The following PTPRT variants were observed in gnomAD, a reference collection of about 807,000 sequenced individuals.
The protein encoded by PTPRT is protein tyrosine phosphatase receptor type T.
PTPRT carries 56 observed loss-of-function variants against 176.8 expected under a neutral mutation model. The observed-to-expected ratio is 0.32, with a 90% confidence interval of 0.26 to 0.40. The LOEUF (loss-of-function observed/expected upper bound fraction) is 0.40. Among genes scored for constraint, PTPRT ranks in the 10% least tolerant of loss-of-function variants. The pLI is 1.00. For missense variants in PTPRT, 1,540 were observed against 1,908.2 expected (o/e 0.81, Z 3.60); for synonymous variants, 783 against 739.0 (o/e 1.06, Z -0.96).
At chr20:42,533,776 C>T (rs2072426866) in intron 7 of PTPRT, among the ~76,000 whole-genome samples, 1 of 152,242 alleles carries the variant, frequency 6.6e-6, no homozygotes, top group Admixed American at 6.5e-5. Flanking sequence ...GTCATCGCAG[C>T]TTCACTGCTT....
downstream of PTPRT, among the ~76,000 whole-genome samples, chr20:42,069,386 C>G (rs1410774839): frequency 6.6e-6 from 1 of 151,700 alleles, no homozygotes; most frequent in Non-Finnish European, 1.5e-5. Context: ...TTTTTTTTCC[C>G]TTTTGGACAT....
intron 2 of PTPRT, 107 bp from the exon 3 acceptor site, chr20:42,791,573 G>A (rs1365668349): frequency 7.9e-6 from 10 of 1,264,960 alleles, no homozygotes; most frequent in African/African-American, 1.5e-5. Flanking sequence ...AGTGGCCAGA[G>A]ATCAAGTCAC....
At chr20:42,865,834 C>T (rs1022864111) in intron 2 of PTPRT, among the ~76,000 whole-genome samples, 3 of 152,140 alleles carry the variant, frequency 2.0e-5, no homozygotes, top group East Asian at 1.9e-4. Context: ...GGTGGAATGC[C>T]GGCTTATTCC....
intron 16 of PTPRT, among the ~76,000 whole-genome samples, chr20:42,175,529 G>C (rs1311749602): frequency 6.6e-6 from 1 of 152,140 alleles, no homozygotes; most frequent in Non-Finnish European, 1.5e-5. Flanking sequence ...GGTTGAGTAG[G>C]GGCAGGGGAT....
chr20:42,421,598 C>T (rs376080642), intron 9 of PTPRT, among the ~76,000 whole-genome samples: 49 of 151,900 alleles, frequency 3.2e-4, no homozygotes, highest in African/African-American at 3.9e-4. Context: ...ATGGATAAGA[C>T]GAGTCAATAT....
chr20:42,526,470 T>A (rs1360798565), intron 7 of PTPRT, among the ~76,000 whole-genome samples: 1 of 152,146 alleles, frequency 6.6e-6, no homozygotes, highest in East Asian at 1.9e-4. Flanking sequence ...ACTTCACTCC[T>A]AATGGAAGCA....
rs1407743875 is a variant in PTPRT at position 42,389,539 on chromosome 20, G to A, written c.1561-37254C>T. Among the ~76,000 whole-genome samples the A allele has an allele frequency of 3.3e-5, 5 of 152,042 alleles. No homozygotes were observed. The South Asian group carries it at 1.0e-3, about 32-fold the overall frequency. ...TCATGAGGTGTCTATCCTTTTGAAT[G>A]GATTAATGTTGATTATAAAAGCACT... On this transcript the variant is annotated intron_variant, in intron 9 of 30. Coordinates refer to ENST00000373187, the MANE Select transcript of PTPRT (RefSeq NM_007050.6).
At chr20:42,478,557 A>T (rs183225087) in intron 7 of PTPRT, among the ~76,000 whole-genome samples, 68 of 152,238 alleles carry the variant, frequency 4.5e-4, no homozygotes, top group African/African-American at 1.6e-3. Context: ...TTCTTAAAGC[A>T]AAGCAAGGGA....
intron 7 of PTPRT, among the ~76,000 whole-genome samples, chr20:42,649,244 G>A (rs1222389213): frequency 1.3e-5 from 2 of 152,114 alleles, no homozygotes; most frequent in Non-Finnish European, 2.9e-5. Context: ...GAGAGCTTGT[G>A]CAAAGGAACT....
rs140746834 is a variant in PTPRT at position 42,939,887 on chromosome 20, T to A, written c.89-53955A>T. On this transcript the variant is annotated intron_variant, in intron 1 of 30. Coordinates refer to ENST00000373187, the MANE Select transcript of PTPRT (RefSeq NM_007050.6). ...TTCATCTGTCTATCTAATAAATAGATAAATAGATATAATCTTATCCATTCA... is the reference window on the plus strand; with the variant it reads ...TTCATCTGTCTATCTAATAAATAGAAAAATAGATATAATCTTATCCATTCA... 2.8e-4 allele frequency among the ~76,000 whole-genome samples: 43 copies of A among 152,286 alleles called. No individual in the cohort carries two copies. In the East Asian group the frequency reaches 7.1e-3, roughly 25 times the overall value.
At chr20:42,760,277 C>A (rs1195179247) in intron 5 of PTPRT, among the ~76,000 whole-genome samples, 1 of 151,910 alleles carries the variant, frequency 6.6e-6, no homozygotes, top group East Asian at 1.9e-4. Context: ...CCACTTGGCA[C>A]TTTCCTGTCT....
At chr20:42,258,943 T>A (rs1441635087) in intron 13 of PTPRT, among the ~76,000 whole-genome samples, 1 of 152,188 alleles carries the variant, frequency 6.6e-6, no homozygotes, top group Non-Finnish European at 1.5e-5. Context: ...GACTCCTCAA[T>A]ACTACCCAGT....
At chr20:42,942,352 A>C (rs1379649607) in intron 1 of PTPRT, among the ~76,000 whole-genome samples, 1 of 152,210 alleles carries the variant, frequency 6.6e-6, no homozygotes, top group African/African-American at 2.4e-5. Context: ...ATATACAAAC[A>C]AATGACACAA....
intron 19 of PTPRT, among the ~76,000 whole-genome samples, chr20:42,122,848 A>C (rs1350170949): frequency 6.6e-6 from 1 of 152,090 alleles, no homozygotes; most frequent in Non-Finnish European, 1.5e-5. Context: ...TTTCATCTCC[A>C]GCCTCACCTC....
chr20:42,066,782 G>A, the PTPRT span, among the ~76,000 whole-genome samples: 1 of 152,066 alleles, frequency 6.6e-6, no homozygotes, highest in African/African-American at 2.4e-5. Context: ...TTATAATTAT[G>A]TATAATTTCT....
intron 2 of PTPRT, among the ~76,000 whole-genome samples, chr20:42,882,350 T>C (rs1012899106): frequency 1.3e-5 from 2 of 152,170 alleles, no homozygotes; most frequent in South Asian, 4.1e-4. Context: ...GCCCAGAAGA[T>C]TGTATTAGCA....
chr20:43,115,952 A>G (rs971428912), intron 1 of PTPRT, among the ~76,000 whole-genome samples: 1 of 152,214 alleles, frequency 6.6e-6, no homozygotes, highest in Non-Finnish European at 1.5e-5. Context: ...TAAACCTCGC[A>G]AGCCACTGTG....
intron 6 of PTPRT, among the ~76,000 whole-genome samples, chr20:42,744,914 G>T (rs1328895480): frequency 6.6e-6 from 1 of 152,216 alleles, no homozygotes; most frequent in Admixed American, 6.5e-5. Flanking sequence ...AGAGCAGGCT[G>T]GGAATGAGGT....
At chr20:42,524,246 T>C (rs146047916) in intron 7 of PTPRT, among the ~76,000 whole-genome samples, 7 of 152,328 alleles carry the variant, frequency 4.6e-5, no homozygotes, top group African/African-American at 1.7e-4. Context: ...TGCTCACCAC[T>C]GATTTTTGCA....
Sources: allele counts gnomAD v4.1 joint callset (sites outside exome capture counted in the v4.1 genomes callset), GRCh38; gene constraint gnomAD v4.1.1; transcripts MANE v1.5; gene names NCBI Gene and HGNC (gene_info 2026-07-23, HGNC 2026-07-21).